TMEM266: variants seen among roughly 807,000 people sequenced by gnomAD.
TMEM266 encodes the protein transmembrane protein 266.
In TMEM266, 33 loss-of-function variants were observed where a neutral mutation model predicts 50.5. The ratio of observed to expected loss-of-function variants is 0.65; its 90% CI spans 0.50 to 0.87. The LOEUF is 0.87. Ranked by LOEUF, TMEM266 falls within the 40% of genes least tolerant of loss-of-function variation. TMEM266 has a pLI of 0.00. For missense variants in TMEM266, 655 were observed against 695.1 expected (o/e 0.94, Z 0.65); for synonymous variants, 310 against 292.3 (o/e 1.06, Z -0.62).
intron 5 of TMEM266, among the ~76,000 whole-genome samples, chr15:76,166,468 G>A (rs2038098314): frequency 6.7e-6 from 1 of 148,938 alleles, no homozygotes; most frequent in African/African-American, 2.4e-5. Flanking sequence ...CCCTGCGGAT[G>A]GGCCAGCACA....
intron 4 of TMEM266, among the ~76,000 whole-genome samples, chr15:76,159,654 G>A (rs1322968188): frequency 6.6e-6 from 1 of 152,186 alleles, no homozygotes; most frequent in Non-Finnish European, 1.5e-5. Context: ...TCCCCTGACT[G>A]TGCACAGCAC....
At chr15:76,096,741 A>G (rs534890325) in intron 1 of TMEM266, among the ~76,000 whole-genome samples, 1 of 152,070 alleles carries the variant, frequency 6.6e-6, no homozygotes, top group African/African-American at 2.4e-5. Flanking sequence ...GTTGAAGTCT[A>G]AGTCTCTTTA....
chr15:76,165,349 C>T (rs2142055359), intron 5 of TMEM266, among the ~76,000 whole-genome samples: 1 of 152,336 alleles, frequency 6.6e-6, no homozygotes. Context: ...ACTCTTCGCA[C>T]CTCAGTTTCT....
intron 4 of TMEM266, 96 bp downstream of exon 4, chr15:76,156,854 T>A (rs1042138636): frequency 1.5e-4 from 188 of 1,280,156 alleles, no homozygotes; most frequent in Middle Eastern, 3.8e-4. Context: ...CAGGCTGTGA[T>A]CTGCCCCCGC....
At chr15:76,089,277 TG>T (rs202205957) in intron 1 of TMEM266, among the ~76,000 whole-genome samples, 151,496 of 151,520 alleles carry the variant, frequency 1, 75,736 homozygotes, top group Non-Finnish European at 1. Flanking sequence ...TCACTGCAAC[TG>T]CCGCTCCGGG....
In TMEM266 at chr15:76,110,056, A is replaced by G. The variant is rs1207878562; in HGVS notation, c.-96-24112A>G. Among the ~76,000 whole-genome samples, 33 of 151,584 alleles carry G rather than the reference A, an allele frequency of 2.2e-4. 2 individuals carry two copies. Among genetic ancestry groups the G allele is most frequent in the Admixed American group, 2.2e-3 (33 of 15,210 alleles). ...ACCCTGTCGCCCAGGCTGGAGTGCAATGGCGCGATCTCAGCTCACTGCAAT... is the reference window on the plus strand; with the variant it reads ...ACCCTGTCGCCCAGGCTGGAGTGCAGTGGCGCGATCTCAGCTCACTGCAAT... On this transcript the variant is annotated intron_variant, in intron 1 of 10. Transcript: ENST00000388942.
intron 3 of TMEM266, among the ~76,000 whole-genome samples, chr15:76,154,090 C>A (rs1436670805): frequency 6.6e-6 from 1 of 152,216 alleles, no homozygotes; most frequent in Non-Finnish European, 1.5e-5. Context: ...CAGCCGCCCT[C>A]ACCAGGCCCT....
rs143633619 is a variant in TMEM266, at chr15:76,134,184, G to C, written c.-80G>C. 1,272 of 1,490,720 alleles carry C rather than the reference G, an allele frequency of 8.5e-4. 25 individuals are homozygous for C. The East Asian group carries it at 0.026, about 30-fold the overall frequency. 92.3% of individuals were successfully genotyped at this position (1,490,720 alleles called of 1,614,324 possible). A position where few individuals can be genotyped will look rare whatever the true frequency, so the allele number is the denominator to read the frequency against. On this transcript the variant is annotated 5_prime_UTR_variant, in exon 2 of 11. An upstream start codon of the reference 5' UTR is lost. Coordinates refer to ENST00000388942, the MANE Select transcript of TMEM266 (RefSeq NM_152335.3). ...TGTTTTCAGGGCACTATATTTGTAT[G>C]TGTCTTGTAGAACCCACGCTTGGAA... is the stretch of plus-strand genomic sequence containing the variant.
intron 1 of TMEM266, among the ~76,000 whole-genome samples, chr15:76,100,534 TG>T: frequency 6.6e-6 from 1 of 152,226 alleles, no homozygotes. Context: ...CAGATTTTCC[TG>T]GCATATCTCC....
At chr15:76,094,531 G>A (rs1043375163) in intron 1 of TMEM266, among the ~76,000 whole-genome samples, 2 of 152,012 alleles carry the variant, frequency 1.3e-5, no homozygotes, top group Non-Finnish European at 2.9e-5. Flanking sequence ...TTGTAGTATA[G>A]TTTGAAGTCA....
rs1253759058 is a variant in TMEM266 at position 76,081,753 on chromosome 15, C to T, written c.-97+21737C>T. 2.6e-5 allele frequency among the ~76,000 whole-genome samples: 4 copies of T among 152,204 alleles called. No individual in the cohort carries two copies. In the East Asian group the frequency reaches 7.7e-4, roughly 29 times the overall value. The stretch of plus-strand genomic sequence containing the variant: ...ATGTATGAGAAAGCTTCCAACACTA[C>T]CAGTTACATGGTCACCACACTGCAA... On this transcript the variant is annotated intron_variant, in intron 1 of 10. Transcript: ENST00000388942.
chr15:76,184,552 G>C (rs1417488680), intron 8 of TMEM266, among the ~76,000 whole-genome samples: 2 of 152,230 alleles, frequency 1.3e-5, no homozygotes, highest in African/African-American at 4.8e-5. Flanking sequence ...GGGTTTGAAG[G>C]CAGGGCAGCC....
chr15:76,159,671 G>A (rs1332217629), intron 4 of TMEM266, among the ~76,000 whole-genome samples: 1 of 152,146 alleles, frequency 6.6e-6, no homozygotes, highest in Non-Finnish European at 1.5e-5. Context: ...GCACTTTGGG[G>A]GTGAGCTGTG....
intron 4 of TMEM266, among the ~76,000 whole-genome samples, chr15:76,159,719 G>A (rs1269695342): frequency 6.6e-6 from 1 of 152,126 alleles, no homozygotes; most frequent in African/African-American, 2.4e-5. Context: ...CTCAACTGAA[G>A]CTGCCTACAC....
At chr15:76,192,207 C>G in intron 9 of TMEM266, 50 bp downstream of exon 9, 1 of 1,381,570 alleles carries the variant, frequency 7.2e-7, no homozygotes, top group East Asian at 3.0e-5. Flanking sequence ...CGGGGATCCC[C>G]CTCGCCTCCC....
At chr15:76,190,982 CA>C (rs1442525245) in intron 8 of TMEM266, among the ~76,000 whole-genome samples, 1 of 152,318 alleles carries the variant, frequency 6.6e-6, no homozygotes, top group East Asian at 1.9e-4. Flanking sequence ...CCGGGACCTG[CA>C]GTGTCAGACC....
chr15:76,091,411 G>C (rs1337904700), intron 1 of TMEM266, among the ~76,000 whole-genome samples: 1 of 151,948 alleles, frequency 6.6e-6, no homozygotes, highest in African/African-American at 2.4e-5. Context: ...AGGGCCGGGA[G>C]TGGTGGCCCA....
At chr15:76,092,214 A>G (rs2036858794) in intron 1 of TMEM266, among the ~76,000 whole-genome samples, 1 of 152,100 alleles carries the variant, frequency 6.6e-6, no homozygotes, top group Non-Finnish European at 1.5e-5. Context: ...TGCAGTGAAT[A>G]TACTGTAATT....
intron 1 of TMEM266, among the ~76,000 whole-genome samples, chr15:76,133,604 A>G (rs2088485): frequency 0.22 from 33,545 of 152,004 alleles, 4,987 homozygotes; most frequent in African/African-American, 0.41. Flanking sequence ...GGGTGTAAGT[A>G]GCTCACTCCA....
Sources: allele counts gnomAD v4.1 joint callset (sites outside exome capture counted in the v4.1 genomes callset), GRCh38; gene constraint gnomAD v4.1.1; transcripts MANE v1.5; gene names NCBI Gene and HGNC (gene_info 2026-07-23, HGNC 2026-07-21).